Variants in IQUB observed in about 807,000 individuals in gnomAD.
IQUB encodes IQ motif and ubiquitin domain containing.
In IQUB, 86 loss-of-function variants were observed where a neutral mutation model predicts 86.4. The ratio of observed to expected loss-of-function variants is 1.00; its 90% CI spans 0.84 to 1.19. The LOEUF (loss-of-function observed/expected upper bound fraction) is 1.19. Among genes scored for constraint, IQUB ranks in the 50% most tolerant of loss-of-function variants. The pLI is 0.00. For missense variants in IQUB, 946 were observed against 916.9 expected (o/e 1.03, Z -0.41); for synonymous variants, 289 against 304.5 (o/e 0.95, Z 0.53).
chr7:123,456,568 G>A (rs368830474), intron 12 of IQUB: 37 of 151,746 alleles, frequency 2.4e-4, no homozygotes, highest in African/African-American at 8.5e-4. Context: ...AAACAAACAG[G>A]GAATCACACT....
intron 8 of IQUB, 21 bp from the exon 9 acceptor site, chr7:123,469,405 T>C (rs758134410): frequency 7.0e-7 from 1 of 1,432,494 alleles, no homozygotes; most frequent in Non-Finnish European, 9.4e-7. Flanking sequence ...ATATTATGTT[T>C]ATAATTATCA....
intron 1 of IQUB, 69 bp from the exon 2 acceptor site, chr7:123,512,413 C>A: frequency 2.2e-6 from 2 of 925,514 alleles, no homozygotes; most frequent in East Asian, 2.5e-5. Flanking sequence ...AAATTCATTG[C>A]TAGTATAGAG....
At chr7:123,498,989 T>C (rs1795827634) in intron 6 of IQUB, among the ~76,000 whole-genome samples, 1 of 152,072 alleles carries the variant, frequency 6.6e-6, no homozygotes, top group Admixed American at 6.5e-5. Flanking sequence ...AAGTAATAAG[T>C]AGGTAAGAAA....
At chr7:123,457,978 AT>A (rs879583961) in intron 11 of IQUB, 700 of 156,944 alleles carry the variant, frequency 4.5e-3, no homozygotes, top group South Asian at 0.014. Context: ...GGAAGCTGAG[AT>A]TTTTTTTTTT....
intron 11 of IQUB, among the ~76,000 whole-genome samples, chr7:123,458,332 A>T (rs895738675): frequency 1.3e-4 from 20 of 151,934 alleles, no homozygotes; most frequent in Admixed American, 7.2e-4. Flanking sequence ...ATATTTTTTA[A>T]AAAAGCTTCT....
chr7:123,464,224 G>T (rs1309038929), intron 10 of IQUB, among the ~76,000 whole-genome samples: 1 of 151,842 alleles, frequency 6.6e-6, no homozygotes. Context: ...AGGCAATGAA[G>T]CATTTGTCTT....
intron 6 of IQUB, among the ~76,000 whole-genome samples, chr7:123,497,607 AT>A (rs1280159642): frequency 6.6e-6 from 1 of 151,956 alleles, no homozygotes; most frequent in Admixed American, 6.6e-5. Context: ...AGAGTTTATA[AT>A]TTTATTTATT....
chr7:123,480,011 C>T (rs1245352433), intron 7 of IQUB, 41 bp from the exon 8 acceptor site: 4 of 1,490,770 alleles, frequency 2.7e-6, no homozygotes, highest in Non-Finnish European at 3.6e-6. Flanking sequence ...TTTTAAAAAT[C>T]CCATCTTGAA....
At chr7:123,461,718 TAA>T in intron 10 of IQUB, 113 bp from the exon 11 acceptor site, 1 of 873,204 alleles carries the variant, frequency 1.1e-6, no homozygotes, top group Non-Finnish European at 1.6e-6. Flanking sequence ...GAATGAGATT[TAA>T]AAAAAAAAGT....
intron 1 of IQUB, among the ~76,000 whole-genome samples, chr7:123,520,747 A>G (rs985248447): frequency 1.3e-5 from 2 of 152,136 alleles, no homozygotes; most frequent in Non-Finnish European, 2.9e-5. Context: ...ACTGGAATCT[A>G]TTGTAGTAAC....
At chr7:123,527,239 A>C (rs906097783) in intron 1 of IQUB, among the ~76,000 whole-genome samples, 4 of 151,996 alleles carry the variant, frequency 2.6e-5, no homozygotes, top group Non-Finnish European at 4.4e-5. Context: ...AAAGTTTTCA[A>C]CTTCTTTGCC....
intron 1 of IQUB, among the ~76,000 whole-genome samples, chr7:123,522,265 T>C (rs1456200576): frequency 6.6e-6 from 1 of 152,210 alleles, no homozygotes; most frequent in Non-Finnish European, 1.5e-5. Context: ...CCTGTTGGAC[T>C]GGGTGGGGCT....
chr7:123,462,261 G>A (rs1794024810), intron 10 of IQUB, among the ~76,000 whole-genome samples: 1 of 151,660 alleles, frequency 6.6e-6, no homozygotes, highest in African/African-American at 2.4e-5. Flanking sequence ...TTCCATGAAA[G>A]TAAAGATCAA....
chr7:123,527,355 T>C (rs1219814719), intron 1 of IQUB, among the ~76,000 whole-genome samples: 1 of 152,264 alleles, frequency 6.6e-6, no homozygotes, highest in Non-Finnish European at 1.5e-5. Flanking sequence ...CTGTTGCTGG[T>C]GAGGAACTGC....
intron 1 of IQUB, 108 bp downstream of exon 1, chr7:123,534,384 G>C (rs1282555129): frequency 1.3e-5 from 2 of 152,424 alleles, no homozygotes; most frequent in Non-Finnish European, 2.9e-5. Context: ...GCTCAGGTGG[G>C]AATCACTGCC....
intron 1 of IQUB, among the ~76,000 whole-genome samples, chr7:123,530,211 G>A (rs761930083): frequency 1.3e-5 from 2 of 150,786 alleles, no homozygotes; most frequent in African/African-American, 4.9e-5. Context: ...CATCTCAACC[G>A]GTACAGTGGC....
At chr7:123,462,595 G>A (rs1275571644) in intron 10 of IQUB, 5 of 197,386 alleles carry the variant, frequency 2.5e-5, no homozygotes, top group Non-Finnish European at 5.4e-5. Flanking sequence ...AATTCTTCGA[G>A]AGAAAAGAAG....
intron 9 of IQUB, among the ~76,000 whole-genome samples, chr7:123,468,763 T>C (rs1388333709): frequency 2.0e-5 from 3 of 152,332 alleles, no homozygotes; most frequent in African/African-American, 7.2e-5. Context: ...ATCTCTGAGT[T>C]TGTTTCTTGT....
chr7:123,463,162 T>TTAA (rs1794082875), intron 10 of IQUB, among the ~76,000 whole-genome samples: 1 of 151,778 alleles, frequency 6.6e-6, no homozygotes, highest in Admixed American at 6.6e-5. Flanking sequence ...TTTATCTTAA[T>TTAA]TAATATATTT....
Sources: gnomAD v4.1 joint callset for allele counts (sites outside exome capture counted in the v4.1 genomes callset) on GRCh38, gnomAD v4.1.1 for gene constraint, MANE v1.5 for transcripts, NCBI Gene and HGNC (gene_info 2026-07-23, HGNC 2026-07-21) for gene names.